Variants in CCDC192 observed in about 807,000 individuals in gnomAD.
CCDC192 encodes coiled-coil domain containing 192.
At chr5:127,779,294 C>A (rs2126928133) in intron 3 of CCDC192, among the ~76,000 whole-genome samples, 1 of 152,074 alleles carries the variant, frequency 6.6e-6, no homozygotes, top group Non-Finnish European at 1.5e-5. Context: ...ATATGAGGAT[C>A]TATGTAAAAA....
intron 3 of CCDC192, among the ~76,000 whole-genome samples, chr5:127,782,194 G>A (rs1756266673): frequency 6.6e-6 from 1 of 152,128 alleles, no homozygotes; most frequent in South Asian, 2.1e-4. Flanking sequence ...TTATCTTTTT[G>A]ATATGGTGTT....
At chr5:127,702,737 T>C (rs1329430979), upstream of CCDC192, among the ~76,000 whole-genome samples, 1 of 152,214 alleles carries the variant, frequency 6.6e-6, no homozygotes, top group Non-Finnish European at 1.5e-5. Flanking sequence ...CTGTACTTCC[T>C]GTCAGAGCAG....
intron 5 of CCDC192, 37 bp from the exon 6 acceptor site, chr5:127,875,501 C>A: frequency 2.6e-6 from 1 of 387,178 alleles, no homozygotes; most frequent in South Asian, 1.4e-4. Context: ...TGCGTCTGTC[C>A]CTAGTGATGG....
At chr5:127,733,772 C>A (rs1452352483) in intron 2 of CCDC192, among the ~76,000 whole-genome samples, 1 of 151,818 alleles carries the variant, frequency 6.6e-6, no homozygotes, top group African/African-American at 2.4e-5. Flanking sequence ...ACAGAATGAC[C>A]CTGTCCACCA....
At chr5:127,904,495 CTTT>C (rs11344791) in intron 6 of CCDC192, among the ~76,000 whole-genome samples, 19,965 of 114,762 alleles carry the variant, frequency 0.17, 1,025 homozygotes, top group East Asian at 0.26. Context: ...TTGGCAGAGA[CTTT>C]TTTTTTTTTT....
intron 6 of CCDC192, among the ~76,000 whole-genome samples, chr5:127,909,880 A>G (rs1168509331): frequency 2.0e-5 from 3 of 152,214 alleles, no homozygotes; most frequent in Admixed American, 1.3e-4. Context: ...ATCTCAATTC[A>G]TCTCTACAAT....
chr5:127,912,651 G>A (rs1399402467), intron 6 of CCDC192, among the ~76,000 whole-genome samples: 1 of 152,102 alleles, frequency 6.6e-6, no homozygotes, highest in African/African-American at 2.4e-5. Flanking sequence ...GGTGTTCATT[G>A]GAGCTATTAT....
At chr5:127,932,232 T>A (rs778952697) in intron 6 of CCDC192, among the ~76,000 whole-genome samples, 11 of 152,084 alleles carry the variant, frequency 7.2e-5, no homozygotes, top group Non-Finnish European at 1.2e-4. Flanking sequence ...GAGACAAAGT[T>A]TCACTCTTGT....
intron 4 of CCDC192, 50 bp downstream of exon 4, chr5:127,797,284 T>C: frequency 2.5e-6 from 1 of 393,604 alleles, no homozygotes; most frequent in Non-Finnish European, 4.5e-6. Context: ...CCTAATTTTA[T>C]ATGAATTGAC....
chr5:127,863,818 C>T (rs751589057), intron 5 of CCDC192, among the ~76,000 whole-genome samples: 5 of 152,126 alleles, frequency 3.3e-5, no homozygotes, highest in African/African-American at 9.7e-5. Flanking sequence ...CACTATAAAA[C>T]GGAAATTAGA....
At chr5:127,829,060 G>T (rs1470853330) in intron 5 of CCDC192, among the ~76,000 whole-genome samples, 1 of 152,140 alleles carries the variant, frequency 6.6e-6, no homozygotes, top group African/African-American at 2.4e-5. Flanking sequence ...CATAATGGGT[G>T]GGATGGTGAG....
intron 6 of CCDC192, among the ~76,000 whole-genome samples, chr5:127,933,561 C>T (rs548064619): frequency 2.0e-5 from 3 of 152,118 alleles, no homozygotes; most frequent in Non-Finnish European, 4.4e-5. Context: ...TGGTTAGAGA[C>T]AAGTGTTTTT....
intron 5 of CCDC192, among the ~76,000 whole-genome samples, chr5:127,856,199 C>T (rs1580756519): frequency 6.6e-6 from 1 of 152,228 alleles, no homozygotes; most frequent in Admixed American, 6.5e-5. Flanking sequence ...TAACTTCCTA[C>T]AGCTTCTACC....
intron 5 of CCDC192, among the ~76,000 whole-genome samples, chr5:127,809,147 C>A (rs1037016044): frequency 3.3e-5 from 5 of 152,002 alleles, no homozygotes; most frequent in African/African-American, 4.8e-5. Flanking sequence ...TAAATATTAA[C>A]TATAATGTTT....
intron 3 of CCDC192, among the ~76,000 whole-genome samples, chr5:127,775,289 T>C (rs2126919808): frequency 6.6e-6 from 1 of 152,334 alleles, no homozygotes; most frequent in South Asian, 2.1e-4. Flanking sequence ...TCTTCTGCCC[T>C]AATCACCCCA....
intron 3 of CCDC192, among the ~76,000 whole-genome samples, chr5:127,766,608 T>TA (rs548715145): frequency 0.016 from 1,543 of 98,940 alleles, 44 homozygotes; most frequent in African/African-American, 0.052. Flanking sequence ...ACGTCCTGTG[T>TA]AAAAAAAAAA....
intron 6 of CCDC192, among the ~76,000 whole-genome samples, chr5:127,923,301 A>G (rs535423186): frequency 6.6e-6 from 1 of 151,988 alleles, no homozygotes; most frequent in South Asian, 2.1e-4. Flanking sequence ...CGGAACTCCA[A>G]TTTTACTCAT....
intron 5 of CCDC192, among the ~76,000 whole-genome samples, chr5:127,809,492 A>G (rs1461889992): frequency 2.6e-5 from 4 of 152,202 alleles, no homozygotes; most frequent in Admixed American, 1.3e-4. Flanking sequence ...ATGAGATTCT[A>G]TGTTGAATTT....
At chr5:127,716,686 C>G (rs1751638731) in intron 2 of CCDC192, among the ~76,000 whole-genome samples, 1 of 152,126 alleles carries the variant, frequency 6.6e-6, no homozygotes, top group Non-Finnish European at 1.5e-5. Context: ...TTTCCCTCAG[C>G]TGAGGGAGCT....
Sources: gnomAD v4.1 joint callset for allele counts (sites outside exome capture counted in the v4.1 genomes callset) on GRCh38, gnomAD v4.1.1 for gene constraint, MANE v1.5 for transcripts, NCBI Gene and HGNC (gene_info 2026-07-23, HGNC 2026-07-21) for gene names.